Variants in DTD1 observed in about 807,000 individuals in gnomAD.
DTD1 encodes D-tyrosyl-tRNA deacylase 1 homolog.
In DTD1, 13 loss-of-function variants were observed where a neutral mutation model predicts 25.6. That is an observed-to-expected ratio of 0.51 (90% CI 0.33 to 0.81). The LOEUF (loss-of-function observed/expected upper bound fraction) is 0.81. Among genes scored for constraint, DTD1 ranks in the 30% least tolerant of loss-of-function variants. DTD1 has a pLI of 0.02. For synonymous variants in DTD1, 110 were observed against 103.6 expected (o/e 1.06, Z -0.37); for missense variants, 193 against 266.4 (o/e 0.72, Z 1.92).
chr20:18,645,808 G>A (rs1279138663), intron 4 of DTD1, among the ~76,000 whole-genome samples: 1 of 152,086 alleles, frequency 6.6e-6, no homozygotes, highest in East Asian at 1.9e-4. Context: ...GGCTTTGATG[G>A]GTTCCTTTTT....
At chr20:18,632,492 C>T in intron 4 of DTD1, 1 of 985,458 alleles carries the variant, frequency 1.0e-6, no homozygotes, top group Non-Finnish European at 1.2e-6. Context: ...GGAGTTTCCT[C>T]TTGGAGCAAA....
At position 18,727,076 on chromosome 20, in the gene DTD1, C is replaced by T. The variant is rs116860351; in HGVS notation, c.478-17024C>T. Among the ~76,000 whole-genome samples the T allele has an allele frequency of 4.1e-4, 63 of 152,286 alleles. No individual in the cohort carries two copies. In the East Asian group the frequency reaches 8.1e-3, roughly 20 times the overall value. The stretch of plus-strand genomic sequence containing the variant: ...GAATGAGCAGAGTGACAGAGGAGTC[C>T]TTGGCAGGTGCTGTGGTGAGGTAGC... On this transcript the variant is annotated intron_variant, in intron 4 of 5. Transcript: ENST00000377452.
intron 4 of DTD1, among the ~76,000 whole-genome samples, chr20:18,658,894 C>A (rs946538970): frequency 1.3e-5 from 2 of 152,086 alleles, no homozygotes; most frequent in Non-Finnish European, 2.9e-5. Flanking sequence ...GAGAAGCAGC[C>A]CCCTGATGCC....
At chr20:18,640,408 C>T (rs1251690564) in intron 4 of DTD1, among the ~76,000 whole-genome samples, 1 of 152,030 alleles carries the variant, frequency 6.6e-6, no homozygotes, top group Non-Finnish European at 1.5e-5. Flanking sequence ...CTCTCATTCT[C>T]AGAGGTAGCG....
At chr20:18,708,264 T>TATATA (rs1821438662) in intron 4 of DTD1, among the ~76,000 whole-genome samples, 2 of 15,720 alleles carry the variant, frequency 1.3e-4, no homozygotes, top group African/African-American at 2.8e-4. Flanking sequence ...ATATATATAT[T>TATATA]TTATATATAT....
chr20:18,684,477 G>C (rs2061009157), intron 4 of DTD1, among the ~76,000 whole-genome samples: 1 of 152,054 alleles, frequency 6.6e-6, no homozygotes. Flanking sequence ...AGAAGAGATG[G>C]GGTTTCATCG....
intron 5 of DTD1, among the ~76,000 whole-genome samples, chr20:18,760,949 C>G (rs1489394657): frequency 1.3e-5 from 2 of 152,204 alleles, no homozygotes; most frequent in East Asian, 1.9e-4. Context: ...CGCCCCTCCC[C>G]CAGCCTTGCT....
At chr20:18,649,342 T>TTTTTTTTTTTTTTTTTTA (rs2060864610) in intron 4 of DTD1, among the ~76,000 whole-genome samples, 1 of 115,616 alleles carries the variant, frequency 8.6e-6, no homozygotes, top group Non-Finnish European at 1.9e-5. Flanking sequence ...TTTTTTTTTT[T>TTTTTTTTTTTTTTTTTTA]TTTTTTTTTT....
rs188409035 is a variant in DTD1 at position 18,754,286 on chromosome 20, C to G, written c.*20-9074C>G. Among the ~76,000 whole-genome samples the G allele has an allele frequency of 1.2e-4, 18 of 152,278 alleles. No individual in the cohort carries two copies. In the East Asian group the frequency reaches 3.3e-3, roughly 28 times the overall value. Reference sequence around the variant, plus strand: ...ACTGGAGATGTTCCTCACTGTCCCTCGTGGTTGACGGCAGTAAGAGAACTA... The same window carrying G: ...ACTGGAGATGTTCCTCACTGTCCCTGGTGGTTGACGGCAGTAAGAGAACTA... On this transcript the variant is annotated intron_variant, in intron 5 of 5. Coordinates refer to ENST00000377452, the MANE Select transcript of DTD1 (RefSeq NM_080820.6).
intron 4 of DTD1, among the ~76,000 whole-genome samples, chr20:18,732,879 G>A (rs2061243118): frequency 6.6e-6 from 1 of 152,208 alleles, no homozygotes; most frequent in South Asian, 2.1e-4. Context: ...CATCCGCCAT[G>A]GCCTTCCAAT....
chr20:18,741,551 G>A (rs187903059), intron 4 of DTD1, among the ~76,000 whole-genome samples: 3 of 152,142 alleles, frequency 2.0e-5, no homozygotes, highest in African/African-American at 7.2e-5. Context: ...TCCCCTCCAT[G>A]TTAACTAGTG....
At chr20:18,680,386 C>A (rs1253266944) in intron 4 of DTD1, among the ~76,000 whole-genome samples, 1 of 138,888 alleles carries the variant, frequency 7.2e-6, no homozygotes, top group Non-Finnish European at 1.6e-5. Context: ...TAGAGACACT[C>A]TTTATCACAG....
rs892427269 is a variant in DTD1, at chr20:18,766,498, C to G, written c.*3158C>G. On this transcript the variant is annotated 3_prime_UTR_variant, in exon 6 of 6. Coordinates refer to ENST00000377452, the MANE Select transcript of DTD1 (RefSeq NM_080820.6). ...GTGGCTCACGCCTGTAATCCCAGCA[C>G]TTTGGGAGGCCGAGGCGGGTGGATC... is the stretch of plus-strand genomic sequence containing the variant. 7 of 152,126 alleles carry G rather than the reference C, an allele frequency of 4.6e-5. No homozygotes were observed. The highest frequency in any genetic ancestry group is 1.7e-4 in the African/African-American group (7 of 41,410). The allele number at this position is 152,126 out of a possible 1,614,324, so 9.4% of individuals were successfully genotyped here.
At chr20:18,642,992 C>T (rs143784038) in intron 4 of DTD1, 3,084 of 155,664 alleles carry the variant, frequency 0.02, 51 homozygotes, top group African/African-American at 0.024. Flanking sequence ...CTCTGCTCAC[C>T]GCAACCTCTG....
At chr20:18,618,508 C>A (rs894787635) in intron 3 of DTD1, among the ~76,000 whole-genome samples, 6 of 151,024 alleles carry the variant, frequency 4.0e-5, no homozygotes, top group Non-Finnish European at 8.8e-5. Flanking sequence ...GCATGTTCCA[C>A]CATTCCCAGC....
intron 3 of DTD1, among the ~76,000 whole-genome samples, chr20:18,608,254 C>CT (rs915557991): frequency 1.8e-4 from 26 of 147,124 alleles, no homozygotes; most frequent in Middle Eastern, 7.1e-3. Context: ...TTTGTGTCCT[C>CT]TTTTTTTTTT....
chr20:18,733,013 G>A (rs753612197), intron 4 of DTD1, among the ~76,000 whole-genome samples: 7 of 152,080 alleles, frequency 4.6e-5, no homozygotes, highest in Admixed American at 6.6e-5. Flanking sequence ...TGTGGTTTAG[G>A]TCCCCAAGTG....
At chr20:18,625,507 G>A (rs374903269) in intron 3 of DTD1, among the ~76,000 whole-genome samples, 10 of 152,302 alleles carry the variant, frequency 6.6e-5, no homozygotes, top group African/African-American at 2.4e-4. Flanking sequence ...GAACACTCCT[G>A]TCTCTGTAGA....
intron 4 of DTD1, chr20:18,631,055 CCCTTGTCTGT>C: frequency 1.0e-6 from 1 of 985,358 alleles, no homozygotes; most frequent in Non-Finnish European, 1.2e-6. Flanking sequence ...AACCTCTTTC[CCCTTGTCTGT>C]CCTCTGGCTC....
Sources: allele counts gnomAD v4.1 joint callset (sites outside exome capture counted in the v4.1 genomes callset), GRCh38; gene constraint gnomAD v4.1.1; transcripts MANE v1.5; gene names NCBI Gene and HGNC (gene_info 2026-07-23, HGNC 2026-07-21).